DCAF1: variants seen among roughly 807,000 people sequenced by gnomAD.
DCAF1 encodes the protein DDB1- and CUL4-associated factor 1.
In DCAF1, 15 loss-of-function variants were observed where a neutral mutation model predicts 128.0. That is an observed-to-expected ratio of 0.12 (90% CI 0.08 to 0.18). The LOEUF (loss-of-function observed/expected upper bound fraction) is 0.18, where lower values mean the gene tolerates loss of function less well. Among genes scored for constraint, DCAF1 ranks in the 10% least tolerant of loss-of-function variants. The pLI, the probability that DCAF1 is intolerant of heterozygous loss-of-function variation, is 1.00. For missense variants in DCAF1, 988 were observed against 1,649.5 expected (o/e 0.60, Z 6.95); for synonymous variants, 610 against 603.0 (o/e 1.01, Z -0.17).
At chr3:51,503,572 T>A (rs1305405785), upstream of DCAF1, among the ~76,000 whole-genome samples, 1 of 152,186 alleles carries the variant, frequency 6.6e-6, no homozygotes, top group Non-Finnish European at 1.5e-5. Flanking sequence ...GCTCTCCTGT[T>A]GGCTAGACAA....
intron 5 of DCAF1, among the ~76,000 whole-genome samples, chr3:51,465,655 G>T (rs1704053218): frequency 6.6e-6 from 1 of 152,042 alleles, no homozygotes; most frequent in Admixed American, 6.6e-5. Flanking sequence ...TGAGTCAGGA[G>T]AATCACTTGA....
downstream of DCAF1, chr3:51,396,892 AT>A (rs1434966358): frequency 1.2e-5 from 2 of 167,014 alleles, no homozygotes; most frequent in Non-Finnish European, 2.9e-5. Context: ...CAGTCAGACT[AT>A]TCCACTGGTT....
intron 9 of DCAF1, chr3:51,440,247 T>A (rs1041739628): frequency 1.6e-5 from 7 of 441,868 alleles, no homozygotes; most frequent in Non-Finnish European, 2.6e-5. Context: ...CATCTGGCTA[T>A]AGAAATAACT....
intron 2 of DCAF1, among the ~76,000 whole-genome samples, chr3:51,487,800 C>T (rs903878199): frequency 1.3e-5 from 2 of 152,030 alleles, no homozygotes; most frequent in Non-Finnish European, 2.9e-5. Flanking sequence ...CTCAGCCTCC[C>T]AAAGTGCTAG....
At chr3:51,475,778 G>A (rs1705363920) in intron 3 of DCAF1, among the ~76,000 whole-genome samples, 1 of 151,602 alleles carries the variant, frequency 6.6e-6, no homozygotes, top group Admixed American at 6.6e-5. Flanking sequence ...GGAGAATGGC[G>A]TGAACCCAGG....
At position 51,465,914 on chromosome 3, in the gene DCAF1, T is replaced by C. The variant is rs1704079246; in HGVS notation, c.261+889A>G. 2.6e-5 allele frequency among the ~76,000 whole-genome samples: 4 copies of C among 151,622 alleles called. No homozygotes were observed. The South Asian group carries it at 8.4e-4, about 32-fold the overall frequency. ...ATTTTATAGACTAGAAAAATAAGGC[T>C]GCGGCTGGGTGCAGTGGTTCACGTC... On this transcript the variant is annotated intron_variant, in intron 5 of 24. Transcript: ENST00000684031.
chr3:51,467,276 G>T lies in DCAF1; in HGVS notation c.188-400C>A, dbSNP rs191969929. ...GAACCCAGGAGGCGGAGGTTGCAGT[G>T]AGCCAAGATTGCACCACTGCAATCC... On this transcript the variant is annotated intron_variant, in intron 4 of 24. Transcript: ENST00000684031. Among the ~76,000 whole-genome samples, 687 of 152,244 alleles carry T rather than the reference G, an allele frequency of 4.5e-3. 4 individuals are homozygous for T. The highest frequency in any genetic ancestry group is 0.016 in the African/African-American group (660 of 41,544).
chr3:51,474,587 GTTTTTTTTGTTGGTGATGGT>G (rs1374395965), intron 3 of DCAF1, among the ~76,000 whole-genome samples: 1 of 147,576 alleles, frequency 6.8e-6, no homozygotes, highest in Non-Finnish European at 1.5e-5. Flanking sequence ...ATGTGTACTT[GTTTTTTTTGTTGGTGATGGT>G]TTTTTTTTTT....
At chr3:51,423,819 C>CAAAAAAAA (rs200404018) in intron 13 of DCAF1, among the ~76,000 whole-genome samples, 1 of 70,650 alleles carries the variant, frequency 1.4e-5, no homozygotes. Flanking sequence ...GACTCCGTTT[C>CAAAAAAAA]AAAAAAAAAA....
At chr3:51,452,294 C>T (rs1452874931) in intron 6 of DCAF1, among the ~76,000 whole-genome samples, 2 of 151,932 alleles carry the variant, frequency 1.3e-5, no homozygotes, top group Non-Finnish European at 2.9e-5. Flanking sequence ...CTGAGGAACA[C>T]CAATAGCTAA....
downstream of DCAF1, chr3:51,396,749 C>T (rs1553623095): frequency 6.0e-6 from 1 of 167,136 alleles, no homozygotes; most frequent in African/African-American, 2.4e-5. Flanking sequence ...CTGTTATAGT[C>T]CCTGTCTCCC....
rs1005630609 is a variant in DCAF1, at chr3:51,398,161, T to A, written c.*608A>T. On this transcript the variant is annotated 3_prime_UTR_variant, in exon 25 of 25. Transcript: ENST00000684031. ...GAAAACAAATTAACCTGACAGCATA[T>A]GAGGCAACAAAACAGGTTAAAAAAT... is the stretch of plus-strand genomic sequence containing the variant. The A allele has an allele frequency of 6.6e-6, 1 of 152,146 alleles. No individual in the cohort carries two copies. Among genetic ancestry groups the A allele is most frequent in the Non-Finnish European group, 1.5e-5 (1 of 68,030 alleles). The allele number at this position is 152,146 out of a possible 1,614,324, so 9.4% of individuals were successfully genotyped here.
At chr3:51,426,466 T>A (rs1201227279) in intron 13 of DCAF1, among the ~76,000 whole-genome samples, 1 of 152,188 alleles carries the variant, frequency 6.6e-6, no homozygotes, top group African/African-American at 2.4e-5. Context: ...CACCTCGTCC[T>A]TCCAAAGTGC....
chr3:51,485,162 G>A (rs1025917482), intron 2 of DCAF1, among the ~76,000 whole-genome samples: 3 of 152,160 alleles, frequency 2.0e-5, no homozygotes, highest in South Asian at 2.1e-4. Flanking sequence ...TGATCCACCC[G>A]CCTCAGCCTC....
At chr3:51,448,779 G>T (rs1269578315) in intron 6 of DCAF1, among the ~76,000 whole-genome samples, 1 of 152,100 alleles carries the variant, frequency 6.6e-6, no homozygotes, top group Non-Finnish European at 1.5e-5. Flanking sequence ...CCAGACAGAA[G>T]ATCAATAAGG....
rs940349375 is a variant in DCAF1, at chr3:51,464,256, T to A, written c.262-1029A>T. 1.6e-4 allele frequency among the ~76,000 whole-genome samples: 5 copies of A among 31,664 alleles called. No homozygotes were observed. In the East Asian group the frequency reaches 7.7e-3, roughly 49 times the overall value. The allele number at this position is 31,664 out of a possible 152,430, so 20.8% of individuals were successfully genotyped here. On this transcript the variant is annotated intron_variant, in intron 5 of 24. Transcript: ENST00000684031. ...TGAAAAACTCAAATTTTATAATAAA[T>A]TATATATATAATACAATAATATGTA...
chr3:51,489,806 T>C (rs1707410070), intron 2 of DCAF1, among the ~76,000 whole-genome samples: 1 of 111,802 alleles, frequency 8.9e-6, no homozygotes, highest in African/African-American at 3.9e-5. Flanking sequence ...AAAAAGTGTG[T>C]ATGCATGTGT....
intron 3 of DCAF1, among the ~76,000 whole-genome samples, chr3:51,482,858 T>C (rs1220978607): frequency 1.4e-5 from 2 of 146,538 alleles, no homozygotes; most frequent in African/African-American, 5.0e-5. Context: ...AAAAATATGC[T>C]GGGCATGGTG....
In DCAF1 at chr3:51,452,246, T is replaced by C. The variant is rs1018557858; in HGVS notation, c.376-8343A>G. ...CCATCTCTTTGTAAATGAGGTCTCCTTAGGTTATCCAGGCTGAATAAGTCT... is the reference window on the plus strand; with the variant it reads ...CCATCTCTTTGTAAATGAGGTCTCCCTAGGTTATCCAGGCTGAATAAGTCT... On this transcript the variant is annotated intron_variant, in intron 6 of 24. Coordinates refer to ENST00000684031, the MANE Select transcript of DCAF1 (RefSeq NM_001387579.1). 7.2e-5 allele frequency among the ~76,000 whole-genome samples: 11 copies of C among 152,208 alleles called. No homozygotes were observed. The Middle Eastern group carries it at 0.01, about 141-fold the overall frequency.
Sources: gnomAD v4.1 joint callset for allele counts (sites outside exome capture counted in the v4.1 genomes callset) on GRCh38, gnomAD v4.1.1 for gene constraint, MANE v1.5 for transcripts, NCBI Gene and HGNC (gene_info 2026-07-23, HGNC 2026-07-21) for gene names.